Variants in TSPAN11 observed in about 807,000 individuals in gnomAD.
TSPAN11 encodes the protein tetraspanin-11.
Under a neutral mutation model 32.9 loss-of-function variants are expected in TSPAN11, and 29 were observed. That is an observed-to-expected ratio of 0.88 (90% CI 0.66 to 1.20). The LOEUF is 1.20. TSPAN11 is among the 50% of genes most tolerant of loss of function. The probability of loss-of-function intolerance (pLI) is 0.00; values close to 1 mark genes in which losing one functional copy is unlikely to be tolerated. For synonymous variants in TSPAN11, 140 were observed against 141.3 expected, an observed-to-expected ratio of 0.99 and a Z score of 0.07; for missense variants, 283 against 329.1, an observed-to-expected ratio of 0.86 and a Z score of 1.08.
chr12:30,927,104 T>C, intron 1 of TSPAN11: 1 of 1,169,850 alleles, frequency 8.5e-7, no homozygotes, highest in Non-Finnish European at 1.1e-6. Flanking sequence ...TCTGGGCCTC[T>C]GAGGGCCTCG....
intron 2 of TSPAN11, among the ~76,000 whole-genome samples, chr12:30,958,008 T>C (rs554009315): frequency 1.3e-5 from 2 of 152,110 alleles, no homozygotes; most frequent in Admixed American, 1.3e-4. Context: ...TGAGTGTAAC[T>C]ATGGAAACGT....
At chr12:30,986,384 T>G (rs1305377796) in intron 7 of TSPAN11, among the ~76,000 whole-genome samples, 2 of 152,206 alleles carry the variant, frequency 1.3e-5, no homozygotes, top group African/African-American at 4.8e-5. Context: ...TTGTGAGCCT[T>G]TTTTAAGTAG....
downstream of TSPAN11, among the ~76,000 whole-genome samples, chr12:30,997,870 C>T (rs190672612): frequency 1.3e-3 from 201 of 152,290 alleles, 1 homozygote; most frequent in African/African-American, 4.6e-3. Context: ...TTGATCCACC[C>T]GGGGAGGTCC....
chr12:30,946,774 CAAAGA>C (rs1416640755), intron 1 of TSPAN11, among the ~76,000 whole-genome samples: 3 of 152,128 alleles, frequency 2.0e-5, no homozygotes, highest in African/African-American at 7.2e-5. Flanking sequence ...TTTCAGAGGC[CAAAGA>C]AAAGACCAGC....
intron 1 of TSPAN11, among the ~76,000 whole-genome samples, chr12:30,951,088 C>T (rs75190846): frequency 0.013 from 1,920 of 152,230 alleles, 32 homozygotes; most frequent in East Asian, 0.076. Context: ...ATATAGAAGA[C>T]GTGAAAAGTA....
At chr12:30,950,061 C>G (rs554281821) in intron 1 of TSPAN11, among the ~76,000 whole-genome samples, 4 of 152,242 alleles carry the variant, frequency 2.6e-5, no homozygotes, top group Admixed American at 1.3e-4. Flanking sequence ...GACCTCCTCT[C>G]TATGCTGTTC....
intron 5 of TSPAN11, among the ~76,000 whole-genome samples, chr12:30,980,837 G>T (rs988816626): frequency 7.9e-5 from 12 of 152,156 alleles, no homozygotes; most frequent in African/African-American, 2.9e-4. Context: ...ACACACTGCT[G>T]GCCAGCCCTG....
chr12:30,976,877 G>A (rs1186138267), intron 3 of TSPAN11, among the ~76,000 whole-genome samples: 1 of 152,214 alleles, frequency 6.6e-6, no homozygotes, highest in Admixed American at 6.5e-5. Flanking sequence ...TGACCCTGGG[G>A]GAGGGGCACA....
the TSPAN11 span, among the ~76,000 whole-genome samples, chr12:31,009,708 G>T: frequency 6.6e-6 from 1 of 152,124 alleles, no homozygotes; most frequent in Non-Finnish European, 1.5e-5. Flanking sequence ...GAGCCTCTCT[G>T]CATATGCTTA....
chr12:30,972,893 A>G (rs1456632097), intron 3 of TSPAN11, among the ~76,000 whole-genome samples: 1 of 151,990 alleles, frequency 6.6e-6, no homozygotes, highest in African/African-American at 2.4e-5. Context: ...AACACAGGGC[A>G]GTGACGGATG....
At chr12:31,010,435 G>T in the TSPAN11 span, among the ~76,000 whole-genome samples, 1 of 152,196 alleles carries the variant, frequency 6.6e-6, no homozygotes, top group African/African-American at 2.4e-5. Context: ...TATGTGGAGT[G>T]AACAGAGTCA....
intron 4 of TSPAN11, chr12:30,979,044 C>T (rs1364962356): frequency 8.0e-6 from 2 of 250,884 alleles, no homozygotes; most frequent in Non-Finnish European, 1.5e-5. Context: ...GTCCTAGAGT[C>T]AGTCCTATCC....
chr12:30,961,399 G>A (rs533880061), intron 2 of TSPAN11, among the ~76,000 whole-genome samples: 1 of 152,014 alleles, frequency 6.6e-6, no homozygotes, highest in South Asian at 2.1e-4. Flanking sequence ...GGCTTAGAGG[G>A]GCTGCATATC....
chr12:30,972,812 G>T, intron 3 of TSPAN11, among the ~76,000 whole-genome samples: 1 of 151,596 alleles, frequency 6.6e-6, no homozygotes. Context: ...GCAGGGGGGA[G>T]GTGGGGGGAG....
chr12:30,970,836 C>A (rs556722605), intron 3 of TSPAN11, among the ~76,000 whole-genome samples: 1 of 152,202 alleles, frequency 6.6e-6, no homozygotes, highest in Non-Finnish European at 1.5e-5. Flanking sequence ...AAATCCACAT[C>A]CTCTCTTTTC....
intron 6 of TSPAN11, 74 bp from the exon 7 acceptor site, chr12:30,982,990 G>A (rs75495170): frequency 0.035 from 50,994 of 1,477,744 alleles, 1,550 homozygotes; most frequent in East Asian, 0.17. Context: ...CTCTGCTGCA[G>A]TGACAGCCCG....
chr12:30,979,609 A>C lies in TSPAN11; in HGVS notation c.395A>C (p.Glu132Ala). The change falls in exon 5 of 8, where the codon GAG becomes GCG. Residue 132 changes from glutamate (E) to alanine (A), a missense_variant. Glu to Ala is a moderately radical substitution (Grantham distance 107, BLOSUM62 -1). Coordinates refer to ENST00000546076, the MANE Select transcript of TSPAN11 (RefSeq NM_001370302.1). ...CAGCACTTGAACCGGACTCTGGCTGAGAACTACGGGCAGCCCGGAGCCACG... is the reference window on the plus strand; with the variant it reads ...CAGCACTTGAACCGGACTCTGGCTGCGAACTACGGGCAGCCCGGAGCCACG... ...LKQHLNRTLA[E>A]NYGQPGATQI... The C allele has an allele frequency of 6.2e-7, 1 of 1,614,202 alleles. No individual in the cohort carries two copies. The highest frequency in any genetic ancestry group is 8.5e-7 in the Non-Finnish European group (1 of 1,180,040).
chr12:30,935,592 C>T (rs1009695631), intron 1 of TSPAN11, among the ~76,000 whole-genome samples: 13 of 152,084 alleles, frequency 8.5e-5, no homozygotes, highest in Admixed American at 1.3e-4. Context: ...CCATGTTGGC[C>T]AGGCTGGTCT....
intron 1 of TSPAN11, among the ~76,000 whole-genome samples, chr12:30,952,900 CA>C (rs926410032): frequency 6.6e-6 from 1 of 152,192 alleles, no homozygotes; most frequent in Non-Finnish European, 1.5e-5. Flanking sequence ...TCTTAAAGAG[CA>C]ACTACTCTGT....
Sources: allele counts gnomAD v4.1 joint callset (sites outside exome capture counted in the v4.1 genomes callset), GRCh38; gene constraint gnomAD v4.1.1; transcripts MANE v1.5; gene names NCBI Gene and HGNC (gene_info 2026-07-23, HGNC 2026-07-21).